BLVRA: variants seen among roughly 807,000 people sequenced by gnomAD.
BLVRA encodes biliverdin reductase A, also known as BVR A.
In BLVRA, 22 loss-of-function variants were observed where a neutral mutation model predicts 32.8. That is an observed-to-expected ratio of 0.67 (90% confidence interval 0.48 to 0.96). BLVRA has a LOEUF of 0.96. Among genes scored for constraint, BLVRA ranks in the 40% least tolerant of loss-of-function variants. BLVRA has a pLI of 0.00. For synonymous variants in BLVRA, 119 were observed against 141.3 expected, an observed-to-expected ratio of 0.84 and a Z score of 1.12; for missense variants, 323 against 358.1, an observed-to-expected ratio of 0.90 and a Z score of 0.79.
Position 43,771,620 on chromosome 7 carries a change from T to A in BLVRA, c.12+450T>A, listed in dbSNP as rs142640663. Among the ~76,000 whole-genome samples the A allele has an allele frequency of 6.6e-5, 10 of 152,368 alleles. No homozygotes were observed. In the East Asian group the frequency reaches 1.9e-3, roughly 29 times the overall value. ...CTTCCTCTGTTCACTCCCTTCCAAG[T>A]GGAGCCTAGACCTTGGGGTTCATCA... is the stretch of plus-strand genomic sequence containing the variant. On this transcript the variant is annotated intron_variant, in intron 2 of 7. Transcript: ENST00000265523.
At chr7:43,780,361 A>T (rs1457896041) in intron 2 of BLVRA, among the ~76,000 whole-genome samples, 4 of 152,148 alleles carry the variant, frequency 2.6e-5, no homozygotes, top group Non-Finnish European at 5.9e-5. Flanking sequence ...CATTGCCTTG[A>T]TGTAGTCACC....
intron 5 of BLVRA, 90 bp downstream of exon 5, chr7:43,792,902 C>T: frequency 2.4e-6 from 3 of 1,243,350 alleles, no homozygotes; most frequent in Non-Finnish European, 3.4e-6. Flanking sequence ...CAGATATCTC[C>T]TCCTCCTGGC....
chr7:43,782,519 G>A (rs769774284), intron 2 of BLVRA, among the ~76,000 whole-genome samples: 8 of 152,206 alleles, frequency 5.3e-5, no homozygotes, highest in Non-Finnish European at 7.3e-5. Context: ...GATCCAGGGC[G>A]CGGTGGGAAA....
intron 3 of BLVRA, among the ~76,000 whole-genome samples, chr7:43,789,869 G>A (rs1162258423): frequency 8.7e-6 from 1 of 115,252 alleles, no homozygotes; most frequent in East Asian, 2.2e-4. Context: ...TGTGGTAGTG[G>A]TATGTACGTG....
In BLVRA at chr7:43,773,687, A is replaced by C. The variant is rs577255963; in HGVS notation, c.12+2517A>C. 2.2e-3 allele frequency among the ~76,000 whole-genome samples: 333 copies of C among 152,324 alleles called. 4 individuals are homozygous for C. Among genetic ancestry groups the C allele is most frequent in the East Asian group, 0.014 (70 of 5,180 alleles). On this transcript the variant is annotated intron_variant, in intron 2 of 7. Coordinates refer to ENST00000265523, the MANE Select transcript of BLVRA (RefSeq NM_000712.4). ...GATGGCTGGGTCAAATGGTATTTCC[A>C]GTTCTAGATCCCTGAGGAATCGCCA...
At chr7:43,805,010 C>T (rs1229507450) in intron 7 of BLVRA, among the ~76,000 whole-genome samples, 1 of 152,216 alleles carries the variant, frequency 6.6e-6, no homozygotes, top group African/African-American at 2.4e-5. Flanking sequence ...GCAGTGCTCC[C>T]TATGGAGTGA....
At chr7:43,780,446 G>A (rs970419569) in intron 2 of BLVRA, among the ~76,000 whole-genome samples, 4 of 152,118 alleles carry the variant, frequency 2.6e-5, no homozygotes, top group Non-Finnish European at 5.9e-5. Context: ...ATGTAAGTGT[G>A]GTACTCATGC....
intron 1 of BLVRA, chr7:43,764,220 C>T (rs1411095678): frequency 6.6e-6 from 1 of 152,020 alleles, no homozygotes; most frequent in Non-Finnish European, 1.5e-5. Context: ...TCCTGTAGCA[C>T]TCGGCTGGGC....
At chr7:43,796,023 G>A (rs2095792339) in intron 5 of BLVRA, among the ~76,000 whole-genome samples, 2 of 150,554 alleles carry the variant, frequency 1.3e-5, no homozygotes, top group African/African-American at 4.9e-5. Flanking sequence ...AGAATCACTT[G>A]AACCCAGGAG....
At chr7:43,763,329 C>G (rs2095744418) in intron 1 of BLVRA, among the ~76,000 whole-genome samples, 1 of 152,144 alleles carries the variant, frequency 6.6e-6, no homozygotes, top group Admixed American at 6.5e-5. Flanking sequence ...GCAGGGGGAG[C>G]ACAAGTACCC....
intron 1 of BLVRA, chr7:43,767,427 A>G: frequency 6.3e-7 from 1 of 1,577,232 alleles, no homozygotes. Flanking sequence ...GGTTATTTAT[A>G]TTTCACAACT....
chr7:43,792,740 G>A lies in BLVRA; in HGVS notation c.280G>A (p.Val94Ile), dbSNP rs775030116. Residue 94 changes from valine (V) to isoleucine (I), a missense_variant, in exon 5 of 8, where the codon GTC becomes ATC. Physicochemically the swap from Val to Ile is conservative, Grantham distance 29 (BLOSUM62 3). Transcript: ENST00000265523. ...IRQFLNAGKH[V>I]LVEYPMTLSL... ...GCAGTTCCTTAATGCTGGCAAGCAC[G>A]TCCTTGTGGAATACCCCATGACACT... is the stretch of plus-strand genomic sequence containing the variant. 1.7e-5 allele frequency: 28 copies of A among 1,614,048 alleles called. No individual in the cohort carries two copies. In the East Asian group the frequency reaches 3.8e-4, roughly 22 times the overall value.
intron 2 of BLVRA, among the ~76,000 whole-genome samples, chr7:43,772,461 A>G (rs918028878): frequency 1.2e-4 from 18 of 152,268 alleles, no homozygotes; most frequent in African/African-American, 4.3e-4. Flanking sequence ...TCAACTACTC[A>G]GGCCCATCCT....
chr7:43,798,795 G>A lies in BLVRA; in HGVS notation c.353-1670G>A, dbSNP rs531567211. On this transcript the variant is annotated intron_variant, in intron 5 of 7. Coordinates refer to ENST00000265523, the MANE Select transcript of BLVRA (RefSeq NM_000712.4). Reference sequence around the variant, plus strand: ...AACAGACCTGGGAATATATGGATACGGATGTGTGTGTGTACTGTGGTTACC... The same window carrying A: ...AACAGACCTGGGAATATATGGATACAGATGTGTGTGTGTACTGTGGTTACC... 9.9e-5 allele frequency among the ~76,000 whole-genome samples: 15 copies of A among 152,262 alleles called. No homozygotes were observed. The East Asian group carries it at 2.3e-3, about 24-fold the overall frequency.
At chr7:43,781,525 C>T (rs2095769444) in intron 2 of BLVRA, among the ~76,000 whole-genome samples, 1 of 152,124 alleles carries the variant, frequency 6.6e-6, no homozygotes, top group Non-Finnish European at 1.5e-5. Context: ...TTAGTAGAGA[C>T]TGAGTTTTGC....
chr7:43,789,202 G>C (rs1338937760), intron 3 of BLVRA, among the ~76,000 whole-genome samples: 1 of 152,160 alleles, frequency 6.6e-6, no homozygotes, highest in Non-Finnish European at 1.5e-5. Flanking sequence ...CTGAAGACAT[G>C]GTAGTGAGCA....
At position 43,787,993 on chromosome 7, in the gene BLVRA, A is replaced by G. The variant is rs747274098; in HGVS notation, c.102A>G (p.Ser34=). 1.2e-6 allele frequency: 2 copies of G among 1,614,116 alleles called. No homozygotes were observed. Among genetic ancestry groups the G allele is most frequent in the Non-Finnish European group, 1.7e-6 (2 of 1,180,020 alleles). The part of the protein sequence containing the change: ...MRDLRNPHPS[S]AFLNLIGFVS... Reference sequence around the variant, plus strand: ...ACTTGCGGAATCCACACCCTTCCTCAGCGTTCCTGAACCTGATTGGCTTCG... The same window carrying G: ...ACTTGCGGAATCCACACCCTTCCTCGGCGTTCCTGAACCTGATTGGCTTCG... Residue 34 remains serine, a synonymous_variant, in exon 3 of 8, where the codon TCA becomes TCG. Coordinates refer to ENST00000265523, the MANE Select transcript of BLVRA (RefSeq NM_000712.4). This position sits in a 1 kb window ranked among gnomAD's most constrained non-coding sequence, Gnocchi z 4.5.
intron 5 of BLVRA, among the ~76,000 whole-genome samples, chr7:43,796,688 C>T (rs1367017925): frequency 6.6e-6 from 1 of 151,986 alleles, no homozygotes. Flanking sequence ...GCAAAAAAAG[C>T]AAAAAACAGA....
intron 7 of BLVRA, 97 bp from the exon 8 acceptor site, chr7:43,806,880 G>A: frequency 6.9e-7 from 1 of 1,452,140 alleles, no homozygotes; most frequent in East Asian, 2.3e-5. Context: ...ATGGGTGCCT[G>A]ACAAGGACAT....
Sources: allele counts gnomAD v4.1 joint callset (sites outside exome capture counted in the v4.1 genomes callset), GRCh38; gene constraint gnomAD v4.1.1; non-coding constraint Gnocchi (gnomAD v3.1); transcripts MANE v1.5; gene names NCBI Gene and HGNC (gene_info 2026-07-23, HGNC 2026-07-21).